Variants in OTOA observed in about 807,000 individuals in gnomAD.
OTOA encodes cancer/testis antigen 108.
In OTOA, 70 loss-of-function variants were observed where a neutral mutation model predicts 110.8. The observed-to-expected ratio is 0.63, with a 90% CI of 0.52 to 0.77. OTOA has a LOEUF of 0.77. Among genes scored for constraint, OTOA ranks in the 30% least tolerant of loss-of-function variants. The pLI, the probability that OTOA is intolerant of heterozygous loss-of-function variation, is 0.00. For missense variants in OTOA, 917 were observed against 1,075.8 expected, an observed-to-expected ratio of 0.85 and a Z score of 2.06; for synonymous variants, 373 against 431.5, an observed-to-expected ratio of 0.86 and a Z score of 1.68.
intron 9 of OTOA, among the ~76,000 whole-genome samples, chr16:21,693,650 C>T (rs1457655281): frequency 1.3e-5 from 2 of 152,136 alleles, no homozygotes; most frequent in Non-Finnish European, 2.9e-5. Flanking sequence ...GGCACAATCT[C>T]GGCTCACTGC....
chr16:21,697,897 A>G, intron 10 of OTOA, 22 bp downstream of exon 10: 1 of 1,568,962 alleles, frequency 6.4e-7, no homozygotes. Context: ...AAGTACATTT[A>G]TATGTCACCA....
At position 21,678,904 on chromosome 16, in the gene OTOA, C is replaced by T. The variant is rs117553471; in HGVS notation, c.92-11C>T. 4.3e-6 allele frequency: 7 copies of T among 1,612,610 alleles called. No individual in the cohort carries two copies. The South Asian group carries it at 7.7e-5, about 18-fold the overall frequency. ...TCAATTCTAGTTATACATTCAATGGCTTTCTTACAGATTTGCATCCATTGT... is the reference window on the plus strand; with the variant it reads ...TCAATTCTAGTTATACATTCAATGGTTTTCTTACAGATTTGCATCCATTGT... On this transcript the variant is annotated splice_polypyrimidine_tract_variant and intron_variant, in intron 2 of 28. Coordinates refer to ENST00000646100, the MANE Select transcript of OTOA (RefSeq NM_144672.4).
At chr16:21,714,450 C>T (rs1898480186) in intron 13 of OTOA, among the ~76,000 whole-genome samples, 1 of 88,104 alleles carries the variant, frequency 1.1e-5, no homozygotes, top group Admixed American at 1.2e-4. Flanking sequence ...CTTTCTTTCT[C>T]TCTCTCTCTC....
chr16:21,671,083 G>A (rs1025120352), intron 1 of OTOA, among the ~76,000 whole-genome samples: 1 of 151,912 alleles, frequency 6.6e-6, no homozygotes, highest in African/African-American at 2.4e-5. Flanking sequence ...TTATTGAGAT[G>A]GTGTTTTTCA....
At chr16:21,734,434 C>T (rs559829673) in intron 21 of OTOA, among the ~76,000 whole-genome samples, 1 of 150,604 alleles carries the variant, frequency 6.6e-6, no homozygotes, top group Non-Finnish European at 1.5e-5. Context: ...AGGCTTAATA[C>T]CTGGGTGATT....
chr16:21,714,910 A>G, intron 13 of OTOA, 75 bp from the exon 14 acceptor site: 1 of 1,594,770 alleles, frequency 6.3e-7, no homozygotes, highest in Non-Finnish European at 8.6e-7. Context: ...TACTTGGCAC[A>G]TAGATGGGCT....
chr16:21,718,593 G>A (rs1356499458), intron 15 of OTOA, among the ~76,000 whole-genome samples: 1 of 152,202 alleles, frequency 6.6e-6, no homozygotes, highest in East Asian at 1.9e-4. Flanking sequence ...GCGTCTGCAA[G>A]TTAGGGATTC....
intron 12 of OTOA, 170 bp downstream of exon 12, chr16:21,705,462 G>A: frequency 9.9e-7 from 1 of 1,011,802 alleles, no homozygotes; most frequent in Non-Finnish European, 1.4e-6. Flanking sequence ...TAACATCGAA[G>A]CCCAGACAGA....
chr16:21,720,436 C>G lies in OTOA; in HGVS notation c.1806+932C>G, dbSNP rs186348686. On this transcript the variant is annotated intron_variant, in intron 17 of 28. Coordinates refer to ENST00000646100, the MANE Select transcript of OTOA (RefSeq NM_144672.4). ...AAAGAGTAAATTATCTCCCAGAAAA[C>G]CAGGAAGCATAGAGTGCTTGGTGTA... 2.6e-5 allele frequency among the ~76,000 whole-genome samples: 4 copies of G among 152,300 alleles called. No homozygotes were observed. The East Asian group carries it at 7.7e-4, about 29-fold the overall frequency.
Position 21,685,444 on chromosome 16 carries a change from T to TAGG in OTOA, c.399+84_399+86dup, listed in dbSNP as rs1381227674. On this transcript the variant is annotated intron_variant, in intron 7 of 28. Coordinates refer to ENST00000646100, the MANE Select transcript of OTOA (RefSeq NM_144672.4). ...TGAATTGAATAAATGGAGCCTGACTTAGGCCTTGGCACTTCATTGTCTCTT... is the reference window on the plus strand; with the variant it reads ...TGAATTGAATAAATGGAGCCTGACTTAGGAGGCCTTGGCACTTCATTGTCTCTT... The TAGG allele has an allele frequency of 2.1e-5, 33 of 1,568,314 alleles. 1 individual carries two copies. The highest frequency in any genetic ancestry group is 1.3e-4 in the South Asian group (11 of 87,930).
chr16:21,708,544 T>C (rs1898261609), intron 12 of OTOA, among the ~76,000 whole-genome samples: 1 of 152,096 alleles, frequency 6.6e-6, no homozygotes, highest in Non-Finnish European at 1.5e-5. Context: ...AGTTCCCAGG[T>C]GTTGCAGATG....
At position 21,700,927 on chromosome 16, in the gene OTOA, C is replaced by G; in HGVS notation, c.880C>G (p.Leu294Val). ...FISYDNATKQ[L>V]DMVYDITPEL... Reference sequence around the variant, plus strand: ...CAGCTATGACAACGCCACCAAGCAGCTGGACATGGTCTATGACATCACACC... The same window carrying G: ...CAGCTATGACAACGCCACCAAGCAGGTGGACATGGTCTATGACATCACACC... The change falls in exon 11 of 29, where the codon CTG becomes GTG. Residue 294 changes from leucine (L) to valine (V), a missense_variant. Physicochemically the swap from Leu to Val is conservative, Grantham distance 32. Transcript: ENST00000646100. 6.2e-7 allele frequency: 1 copy of G among 1,614,088 alleles called. No homozygotes were observed. The highest frequency in any genetic ancestry group is 8.5e-7 in the Non-Finnish European group (1 of 1,180,010).
intron 12 of OTOA, among the ~76,000 whole-genome samples, chr16:21,708,574 C>T (rs1898263338): frequency 6.6e-6 from 1 of 152,152 alleles, no homozygotes; most frequent in Admixed American, 6.6e-5. Context: ...GTGCTCCACA[C>T]TTTGGGAGCT....
At chr16:21,756,528 G>A (rs1899990656) in intron 27 of OTOA, among the ~76,000 whole-genome samples, 1 of 151,984 alleles carries the variant, frequency 6.6e-6, no homozygotes, top group Non-Finnish European at 1.5e-5. Flanking sequence ...TGATCTTTAA[G>A]GCCTGTGTTT....
chr16:21,705,061 G>C (rs780032906), intron 11 of OTOA, 108 bp from the exon 12 acceptor site: 2 of 1,561,050 alleles, frequency 1.3e-6, no homozygotes, highest in Non-Finnish European at 1.8e-6. Flanking sequence ...CAACCTGGGA[G>C]TCCGTGGCAA....
intron 6 of OTOA, among the ~76,000 whole-genome samples, chr16:21,682,474 C>G (rs1220397478): frequency 6.6e-6 from 1 of 152,208 alleles, no homozygotes; most frequent in African/African-American, 2.4e-5. Context: ...ATATAGTGAT[C>G]AGTCTTTCTA....
At chr16:21,685,204 C>A (rs373886351) in intron 6 of OTOA, 26 bp from the exon 7 acceptor site, 7 of 1,608,932 alleles carry the variant, frequency 4.4e-6, no homozygotes, top group South Asian at 3.3e-5. Context: ...CTGTTCTCAC[C>A]GACTCTCCCA....
At chr16:21,666,645 C>T (rs1966840675) in intron 1 of OTOA, among the ~76,000 whole-genome samples, 1 of 152,182 alleles carries the variant, frequency 6.6e-6, no homozygotes, top group South Asian at 2.1e-4. Flanking sequence ...TTGCTGTTTT[C>T]GAGTAGTTTT....
At chr16:21,692,638 G>A (rs1244316175) in intron 9 of OTOA, among the ~76,000 whole-genome samples, 1 of 151,914 alleles carries the variant, frequency 6.6e-6, no homozygotes, top group African/African-American at 2.4e-5. Flanking sequence ...TAAAAATGGG[G>A]CCAGGTGGGC....
Sources: gnomAD v4.1 joint callset for allele counts (sites outside exome capture counted in the v4.1 genomes callset) on GRCh38, gnomAD v4.1.1 for gene constraint, MANE v1.5 for transcripts, NCBI Gene and HGNC (gene_info 2026-07-23, HGNC 2026-07-21) for gene names.